The following SEMA5A variants were observed in gnomAD, a reference collection of about 807,000 sequenced individuals.
The protein encoded by SEMA5A is semaphorin-5A.
In SEMA5A, 55 loss-of-function variants were observed where a neutral mutation model predicts 135.5. The ratio of observed to expected loss-of-function variants is 0.41; its 90% CI spans 0.33 to 0.51. The LOEUF (loss-of-function observed/expected upper bound fraction) is 0.51. Among genes scored for constraint, SEMA5A ranks in the 20% least tolerant of loss-of-function variants. The probability of loss-of-function intolerance (pLI) is 0.37; values close to 1 mark genes in which losing one functional copy is unlikely to be tolerated. For missense variants in SEMA5A, 1,290 were observed against 1,419.9 expected (o/e 0.91, Z 1.47); for synonymous variants, 580 against 546.5 (o/e 1.06, Z -0.85).
chr5:9,383,334 T>C (rs1234552634), intron 2 of SEMA5A, among the ~76,000 whole-genome samples: 1 of 152,204 alleles, frequency 6.6e-6, no homozygotes, highest in Non-Finnish European at 1.5e-5. Flanking sequence ...TTAGATGTGA[T>C]TTCATTCTGT....
intron 8 of SEMA5A, among the ~76,000 whole-genome samples, chr5:9,221,515 G>C (rs375720566): frequency 1.3e-5 from 2 of 151,816 alleles, no homozygotes; most frequent in South Asian, 2.1e-4. Context: ...TGTTAGCCAG[G>C]ATGGTCTCGA....
chr5:9,349,447 G>T (rs1353080652), intron 3 of SEMA5A, among the ~76,000 whole-genome samples: 1 of 152,142 alleles, frequency 6.6e-6, no homozygotes, highest in East Asian at 1.9e-4. Context: ...CTAAGAAGAT[G>T]AGATACACAC....
chr5:9,254,061 A>C (rs1805949), intron 5 of SEMA5A, among the ~76,000 whole-genome samples: 1 of 151,986 alleles, frequency 6.6e-6, no homozygotes, highest in Non-Finnish European at 1.5e-5. Flanking sequence ...AAATCACTTG[A>C]TTGGTTCTCT....
chr5:9,465,322 C>T (rs1441541673), intron 1 of SEMA5A, among the ~76,000 whole-genome samples: 1 of 152,200 alleles, frequency 6.6e-6, no homozygotes, highest in African/African-American at 2.4e-5. Context: ...CTGAAACTTG[C>T]AGATTTTCCC....
At chr5:9,185,622 A>G (rs1294721649) in intron 11 of SEMA5A, among the ~76,000 whole-genome samples, 1 of 152,230 alleles carries the variant, frequency 6.6e-6, no homozygotes, top group Non-Finnish European at 1.5e-5. Flanking sequence ...TATAATTTGC[A>G]TGCCATAAAA....
At chr5:9,477,818 C>A (rs1350061828) in intron 1 of SEMA5A, among the ~76,000 whole-genome samples, 1 of 152,108 alleles carries the variant, frequency 6.6e-6, no homozygotes, top group Admixed American at 6.5e-5. Flanking sequence ...GCAGTCTGAC[C>A]ATGCAGTAGA....
chr5:9,257,711 G>C (rs1176315355), intron 5 of SEMA5A, among the ~76,000 whole-genome samples: 1 of 152,102 alleles, frequency 6.6e-6, no homozygotes, highest in Non-Finnish European at 1.5e-5. Context: ...ACCACTAGTG[G>C]TTCAGAACCC....
chr5:9,384,663 T>G lies in SEMA5A; in HGVS notation c.-77-4640A>C, dbSNP rs1261230344. On this transcript the variant is annotated intron_variant, in intron 2 of 22. Coordinates refer to ENST00000382496, the MANE Select transcript of SEMA5A (RefSeq NM_003966.3). ...AGATAGATAGATAGATAGATAGATA[T>G]AGATAGATAGATATAGATAGATAGA... 7.6e-4 allele frequency among the ~76,000 whole-genome samples: 78 copies of G among 103,214 alleles called. 2 individuals are homozygous for G. Among genetic ancestry groups the G allele is most frequent in the Middle Eastern group, 4.5e-3 (1 of 224 alleles). The allele number at this position is 103,214 out of a possible 152,430, so 67.7% of individuals were successfully genotyped here. A position where few individuals can be genotyped will look rare whatever the true frequency, so the allele number is the denominator to read the frequency against.
In SEMA5A at chr5:9,112,675, C is replaced by CT. The variant is rs573625358; in HGVS notation, c.1926-4389dup. Among the ~76,000 whole-genome samples, 57 of 152,270 alleles carry CT rather than the reference C, an allele frequency of 3.7e-4. 1 individual carries two copies. The South Asian group carries it at 0.012, about 32-fold the overall frequency. ...ATAAAAACCATTGAGCCCTGGGACT[C>CT]TTAACTTTGAGAATGCATTGGACAG... On this transcript the variant is annotated intron_variant, in intron 15 of 22. Coordinates refer to ENST00000382496, the MANE Select transcript of SEMA5A (RefSeq NM_003966.3).
At chr5:9,437,288 C>T (rs1248441643) in intron 2 of SEMA5A, among the ~76,000 whole-genome samples, 2 of 152,146 alleles carry the variant, frequency 1.3e-5, no homozygotes, top group Non-Finnish European at 2.9e-5. Context: ...AATTGTTTTA[C>T]TTGAAAGATT....
At chr5:9,531,643 G>A (rs1234287474) in intron 1 of SEMA5A, among the ~76,000 whole-genome samples, 1 of 152,098 alleles carries the variant, frequency 6.6e-6, no homozygotes, top group Non-Finnish European at 1.5e-5. Flanking sequence ...TGCAACATTG[G>A]TTCAGGTCCT....
intron 18 of SEMA5A, among the ~76,000 whole-genome samples, chr5:9,060,279 A>G (rs574936297): frequency 6.6e-6 from 1 of 152,316 alleles, no homozygotes; most frequent in South Asian, 2.1e-4. Flanking sequence ...CACCAAATCA[A>G]CTAAAATGAG....
chr5:9,295,991 T>C (rs556828876), intron 5 of SEMA5A, among the ~76,000 whole-genome samples: 1 of 152,148 alleles, frequency 6.6e-6, no homozygotes, highest in African/African-American at 2.4e-5. Flanking sequence ...TGTCTCCATA[T>C]GCCAAATAAC....
intron 16 of SEMA5A, among the ~76,000 whole-genome samples, chr5:9,099,139 A>T (rs931135007): frequency 6.6e-6 from 1 of 152,182 alleles, no homozygotes; most frequent in African/African-American, 2.4e-5. Context: ...CCTATAATCC[A>T]TCATTTTTCT....
intron 8 of SEMA5A, 139 bp downstream of exon 8, chr5:9,224,535 C>T: frequency 1.3e-6 from 1 of 755,622 alleles, no homozygotes; most frequent in South Asian, 1.8e-5. Context: ...ATCATTAGTC[C>T]TGAACAAGCG....
Position 9,190,293 on chromosome 5 carries a change from A to G in SEMA5A, c.1247T>C (p.Leu416Pro), listed in dbSNP as rs368139926. The G allele has an allele frequency of 9.3e-6, 15 of 1,613,972 alleles. No individual in the cohort carries two copies. The African/African-American group carries it at 1.9e-4, about 20-fold the overall frequency. ...TGTGGCCAAATAGATGATGTGGACG[A>G]GCGCTTCTCTGCCCTGCACCACGTC... Reference protein sequence around the residue: ...AVDVVQGREALVHIIYLATDY... With the variant: ...AVDVVQGREAPVHIIYLATDY... Residue 416 changes from leucine (L) to proline (P), a missense_variant, in exon 11 of 23, where the codon CTC (leucine) becomes CCC (proline). This residue lies in a region of SEMA5A where 1,029 missense variants were observed against 1,086.6 expected (regional missense o/e 0.95). Coordinates refer to ENST00000382496, the MANE Select transcript of SEMA5A (RefSeq NM_003966.3).
intron 1 of SEMA5A, among the ~76,000 whole-genome samples, chr5:9,478,004 G>A (rs551133623): frequency 1.3e-5 from 2 of 152,318 alleles, no homozygotes; most frequent in South Asian, 4.1e-4. Context: ...GCTCTGTGCA[G>A]CCTTGGGACA....
intron 5 of SEMA5A, among the ~76,000 whole-genome samples, chr5:9,264,343 G>A (rs2150523566): frequency 6.6e-6 from 1 of 152,216 alleles, no homozygotes; most frequent in Middle Eastern, 3.4e-3. Context: ...GAGGGAAAGT[G>A]GGAATAGTCA....
intron 5 of SEMA5A, among the ~76,000 whole-genome samples, chr5:9,313,572 T>C (rs558645369): frequency 5.3e-5 from 8 of 152,218 alleles, no homozygotes; most frequent in Non-Finnish European, 1.2e-4. Context: ...TCTAATAATA[T>C]CATCTAATTC....
Sources: allele counts gnomAD v4.1 joint callset (sites outside exome capture counted in the v4.1 genomes callset), GRCh38; gene constraint gnomAD v4.1.1; regional missense constraint gnomAD v4.1.1; transcripts MANE v1.5; gene names NCBI Gene and HGNC (gene_info 2026-07-23, HGNC 2026-07-21).